Variants in ST18 observed in about 807,000 individuals in gnomAD.
ST18 encodes ST18 C2H2C-type zinc finger transcription factor, also known as suppression of tumorigenicity 18 protein.
ST18 carries 50 observed loss-of-function variants against 110.0 expected under a neutral mutation model. That is an observed-to-expected ratio of 0.45 (90% CI 0.36 to 0.58). ST18 has a LOEUF of 0.58. Ranked by LOEUF, ST18 falls within the 20% of genes least tolerant of loss-of-function variation. The pLI is 0.00. For missense variants in ST18, 1,306 were observed against 1,280.1 expected, an observed-to-expected ratio of 1.02 and a Z score of -0.31; for synonymous variants, 461 against 452.4, an observed-to-expected ratio of 1.02 and a Z score of -0.24.
intron 2 of ST18, among the ~76,000 whole-genome samples, chr8:52,231,821 C>G (rs1171571136): frequency 3.9e-5 from 6 of 152,184 alleles, no homozygotes; most frequent in Non-Finnish European, 4.4e-5. Context: ...CTCTGAGGTT[C>G]TCACAAGGGT....
At chr8:52,200,070 C>A (rs1025758699) in intron 8 of ST18, among the ~76,000 whole-genome samples, 3 of 152,044 alleles carry the variant, frequency 2.0e-5, no homozygotes, top group Non-Finnish European at 2.9e-5. Context: ...GCACTCAGAA[C>A]ACATTTATTC....
At chr8:52,234,175 T>A (rs1380307370) in intron 2 of ST18, among the ~76,000 whole-genome samples, 1 of 152,194 alleles carries the variant, frequency 6.6e-6, no homozygotes, top group Non-Finnish European at 1.5e-5. Context: ...AATCCCAGCC[T>A]TTAAAGATCT....
At position 52,296,816 on chromosome 8, in the gene ST18, G is replaced by A. The variant is rs572816748; in HGVS notation, c.-464-66739C>T. ...GTGCCTGGTGCTACAGATAAATCTC[G>A]CATGCTTTAAAAAGGTTGCAGTCTA... On this transcript the variant is annotated intron_variant, in intron 2 of 25. Transcript: ENST00000689386. Among the ~76,000 whole-genome samples the A allele has an allele frequency of 1.4e-3, 218 of 152,046 alleles. 1 individual carries two copies. The highest frequency in any genetic ancestry group is 4.6e-3 in the African/African-American group (190 of 41,472).
At chr8:52,292,964 T>A (rs1374619332) in intron 2 of ST18, among the ~76,000 whole-genome samples, 1 of 152,232 alleles carries the variant, frequency 6.6e-6, no homozygotes, top group African/African-American at 2.4e-5. Context: ...ACTCATCAAA[T>A]TATATATTAT....
intron 2 of ST18, among the ~76,000 whole-genome samples, chr8:52,236,896 T>C (rs2092756608): frequency 1.3e-5 from 2 of 152,148 alleles, no homozygotes; most frequent in Admixed American, 6.5e-5. Context: ...GGAAATACTT[T>C]ATGGATGATT....
rs1190110275 is a variant in ST18, at chr8:52,172,308, G to A, written c.553C>T (p.Pro185Ser). 6.2e-7 allele frequency: 1 copy of A among 1,614,076 alleles called. No individual in the cohort carries two copies. Among genetic ancestry groups the A allele is most frequent in the African/African-American group, 1.3e-5 (1 of 74,914 alleles). ...TCATTGTCATCAGAGGAGCAGAAGG[G>A]TGGCTGAGAATCATCAATCTTGTCT... ...GRDKIDDSQPPFCSSDDNESN... is the reference protein window; with the variant it reads ...GRDKIDDSQPSFCSSDDNESN... The change falls in exon 10 of 26, where the codon CCC (proline) becomes TCC (serine). Residue 185 changes from proline to serine, a missense_variant. By Grantham distance (74) the Pro-to-Ser change is moderately conservative (BLOSUM62 -1). Transcript: ENST00000689386.
intron 2 of ST18, among the ~76,000 whole-genome samples, chr8:52,394,557 A>AT (rs1310922821): frequency 1.5e-4 from 22 of 151,692 alleles, no homozygotes; most frequent in East Asian, 1.2e-3. Context: ...CTCAAGAAAG[A>AT]TTTATTTTTA....
At chr8:52,276,100 ATGAAACACACACCGCACCTATC>A (rs1327449031) in intron 2 of ST18, among the ~76,000 whole-genome samples, 10 of 115,436 alleles carry the variant, frequency 8.7e-5, no homozygotes, top group South Asian at 2.9e-4. Context: ...CACCACACAC[ATGAAACACACACCGCACCTATC>A]ACATACCACA....
At chr8:52,133,772 C>A (rs2050818022) in intron 19 of ST18, among the ~76,000 whole-genome samples, 1 of 151,562 alleles carries the variant, frequency 6.6e-6, no homozygotes, top group Admixed American at 6.6e-5. Flanking sequence ...CGCTCTGTGG[C>A]CAGGCTGGAG....
intron 16 of ST18, among the ~76,000 whole-genome samples, chr8:52,145,897 C>T (rs961636373): frequency 5.5e-4 from 83 of 152,214 alleles, no homozygotes; most frequent in African/African-American, 1.9e-3. Flanking sequence ...ACTTTCCTTT[C>T]GAGATATTTT....
At chr8:52,117,030 G>A (rs181465897) in intron 24 of ST18, among the ~76,000 whole-genome samples, 6 of 152,244 alleles carry the variant, frequency 3.9e-5, no homozygotes, top group African/African-American at 1.4e-4. Context: ...TATGTTACTC[G>A]TTAGCTCAAA....
In ST18 at chr8:52,110,913, A is replaced by T. The variant is rs1262286464; in HGVS notation, c.*2285T>A. On this transcript the variant is annotated 3_prime_UTR_variant, in exon 26 of 26. Transcript: ENST00000689386. ...ACAATTTTGTTGCTTTGATGTAAGAAATATTAAGTGTTTGGAGAAACAGTA... is the reference window on the plus strand; with the variant it reads ...ACAATTTTGTTGCTTTGATGTAAGATATATTAAGTGTTTGGAGAAACAGTA... 5.1e-6 allele frequency: 2 copies of T among 395,400 alleles called. No homozygotes were observed. The highest frequency in any genetic ancestry group is 4.5e-6 in the Non-Finnish European group (1 of 223,938). The allele number at this position is 395,400 out of a possible 1,614,324, so 24.5% of individuals were successfully genotyped here. A position where few individuals can be genotyped will look rare whatever the true frequency, so the allele number is the denominator to read the frequency against.
At chr8:52,185,951 A>T (rs1302662425) in intron 8 of ST18, among the ~76,000 whole-genome samples, 1 of 152,240 alleles carries the variant, frequency 6.6e-6, no homozygotes, top group South Asian at 2.1e-4. Context: ...CATTAAAATG[A>T]AAAACTTTCA....
chr8:52,142,916 TG>T lies in ST18; in HGVS notation c.2168+13del, dbSNP rs1563656932. 1 of 1,568,586 alleles carries T rather than the reference TG, an allele frequency of 6.4e-7. No individual in the cohort carries two copies. The highest frequency in any genetic ancestry group is 2.2e-5 in the East Asian group (1 of 44,676). On this transcript the variant is annotated intron_variant, in intron 17 of 25. Coordinates refer to ENST00000689386, the MANE Select transcript of ST18 (RefSeq NM_001352837.2). ...TCCAGAATCTTAGAGGGCATGGCAT[TG>T]GGCACCACTTACGTGATTAGTTCCT...
chr8:52,386,322 A>G (rs1836752644), intron 2 of ST18, among the ~76,000 whole-genome samples: 1 of 152,198 alleles, frequency 6.6e-6, no homozygotes, highest in Admixed American at 6.5e-5. Flanking sequence ...AAATACAAAT[A>G]CTTAAAAAGA....
intron 2 of ST18, among the ~76,000 whole-genome samples, chr8:52,362,316 C>T (rs1826057066): frequency 1.3e-5 from 2 of 152,118 alleles, no homozygotes; most frequent in African/African-American, 4.8e-5. Flanking sequence ...GCTCATTTAG[C>T]AATTTTGCCA....
intron 25 of ST18, 104 bp from the exon 26 acceptor site, chr8:52,113,442 A>G: frequency 7.2e-7 from 1 of 1,386,920 alleles, no homozygotes; most frequent in Non-Finnish European, 1.0e-6. Context: ...TCGGGAGGGA[A>G]GGCAAGGGTG....
intron 2 of ST18, among the ~76,000 whole-genome samples, chr8:52,348,899 C>T (rs980986335): frequency 6.6e-6 from 1 of 152,022 alleles, no homozygotes; most frequent in African/African-American, 2.4e-5. Context: ...TAGCATTTTC[C>T]AAGGATGCAA....
At chr8:52,254,425 CCTT>C (rs2094460245) in intron 2 of ST18, 1 of 152,154 alleles carries the variant, frequency 6.6e-6, no homozygotes, top group Admixed American at 6.6e-5. Flanking sequence ...CCTATTCAGA[CCTT>C]CTCAATATGA....
Sources: gnomAD v4.1 joint callset for allele counts (sites outside exome capture counted in the v4.1 genomes callset) on GRCh38, gnomAD v4.1.1 for gene constraint, MANE v1.5 for transcripts, NCBI Gene and HGNC (gene_info 2026-07-23, HGNC 2026-07-21) for gene names.